Variants in PCDHA4 observed in about 807,000 individuals in gnomAD.
PCDHA4 encodes the protein protocadherin alpha-4.
PCDHA4 carries 49 observed loss-of-function variants against 61.4 expected under a neutral mutation model. The ratio of observed to expected loss-of-function variants is 0.80; its 90% confidence interval spans 0.63 to 1.01. The LOEUF is 1.01. Ranked by LOEUF, PCDHA4 falls within the 50% of genes least tolerant of loss-of-function variation. PCDHA4 has a pLI of 0.00. For missense variants in PCDHA4, 1,254 were observed against 1,235.8 expected, an observed-to-expected ratio of 1.01 and a Z score of -0.22; for synonymous variants, 590 against 550.3, an observed-to-expected ratio of 1.07 and a Z score of -1.01.
At chr5:140,958,530 A>G (rs1283308982) in intron 1 of PCDHA4, among the ~76,000 whole-genome samples, 1 of 152,188 alleles carries the variant, frequency 6.6e-6, no homozygotes, top group East Asian at 1.9e-4. Flanking sequence ...TACTATGTGT[A>G]CATTGATTTA....
chr5:140,932,593 A>T (rs1347990722), intron 1 of PCDHA4, among the ~76,000 whole-genome samples: 1 of 151,922 alleles, frequency 6.6e-6, no homozygotes, highest in South Asian at 2.1e-4. Context: ...GATGTTTTGT[A>T]TATCTATTTT....
At chr5:140,959,570 T>C (rs1324858058) in intron 1 of PCDHA4, among the ~76,000 whole-genome samples, 1 of 152,184 alleles carries the variant, frequency 6.6e-6, no homozygotes. Context: ...ACTAGATTTT[T>C]TGTTTCAATT....
At chr5:140,971,918 G>A (rs1297848346) in intron 1 of PCDHA4, among the ~76,000 whole-genome samples, 1 of 152,082 alleles carries the variant, frequency 6.6e-6, no homozygotes, top group Non-Finnish European at 1.5e-5. Context: ...CAGCCACACT[G>A]CTAGTGTTAT....
intron 2 of PCDHA4, chr5:140,982,212 C>A: frequency 2.1e-6 from 1 of 479,448 alleles, no homozygotes; most frequent in Non-Finnish European, 3.3e-6. Flanking sequence ...GTGAGCGCCA[C>A]ATGGCGTTAA....
At chr5:140,869,588 T>G (rs1404476349) in intron 1 of PCDHA4, 7 of 1,613,996 alleles carry the variant, frequency 4.3e-6, no homozygotes, top group Non-Finnish European at 5.9e-6. Flanking sequence ...GATGCTGACA[T>G]TGAAGAGAAT....
chr5:140,875,818 G>T (rs2055839936), intron 1 of PCDHA4: 1 of 1,614,100 alleles, frequency 6.2e-7, no homozygotes, highest in East Asian at 2.2e-5. Flanking sequence ...GCCGCTGCAG[G>T]TTTTCCATGT....
intron 1 of PCDHA4, among the ~76,000 whole-genome samples, chr5:140,949,916 A>G (rs1350647225): frequency 6.6e-6 from 1 of 150,834 alleles, no homozygotes; most frequent in African/African-American, 2.4e-5. Flanking sequence ...AGATATAACT[A>G]TTTTTAGATT....
intron 1 of PCDHA4, chr5:140,852,642 A>T (rs2042423560): frequency 2.1e-6 from 2 of 960,454 alleles, no homozygotes; most frequent in African/African-American, 3.6e-5. Flanking sequence ...CTGTCATTAA[A>T]CCTATCTATA....
intron 3 of PCDHA4, among the ~76,000 whole-genome samples, chr5:140,994,922 G>A (rs184710391): frequency 4.6e-5 from 7 of 152,342 alleles, no homozygotes; most frequent in African/African-American, 9.6e-5. Context: ...ATCAGATTTT[G>A]TAGGACCTTA....
chr5:140,905,011 T>A (rs551000720), intron 1 of PCDHA4, among the ~76,000 whole-genome samples: 44 of 152,296 alleles, frequency 2.9e-4, no homozygotes, highest in African/African-American at 1.0e-3. Context: ...CTTTGCTAAT[T>A]CTTTTCTATG....
chr5:140,863,542 C>T, intron 1 of PCDHA4: 3 of 384,090 alleles, frequency 7.8e-6, no homozygotes, highest in South Asian at 6.2e-5. Context: ...TGGAGATGGA[C>T]TTCAATAGGA....
At chr5:140,856,761 C>G (rs377564040) in intron 1 of PCDHA4, 2 of 1,596,598 alleles carry the variant, frequency 1.3e-6, no homozygotes, top group South Asian at 2.2e-5. Context: ...AATGATAACG[C>G]CCCTATCTTT....
rs183412283 is a variant in PCDHA4 at position 140,968,329 on chromosome 5, T to C, written c.2386-10620T>C. On this transcript the variant is annotated intron_variant, in intron 1 of 3. Transcript: ENST00000530339. ...TTCAAGGGCTGCCAGTCACCTCCTA[T>C]GTCTCCATTAACAGTGCCAGTGGCA... is the stretch of plus-strand genomic sequence containing the variant. 7.7e-5 allele frequency: 125 copies of C among 1,614,150 alleles called. 1 individual carries two copies. In the East Asian group the frequency reaches 2.7e-3, roughly 34 times the overall value.
chr5:140,981,612 T>C (rs2096940396), intron 2 of PCDHA4, among the ~76,000 whole-genome samples: 1 of 152,110 alleles, frequency 6.6e-6, no homozygotes, highest in Non-Finnish European at 1.5e-5. Context: ...CCTCTAATTT[T>C]GATGAGGGTT....
In PCDHA4 at chr5:140,924,908, AAAT is replaced by A. The variant is rs1554202345; in HGVS notation, c.2386-54038_2386-54036del. ...AGAACCTGTCTCAAAAAAAAAAATA[AAAT>A]AAAATAAAATAAAATAAAATAAAAT... On this transcript the variant is annotated intron_variant, in intron 1 of 3. Coordinates refer to ENST00000530339, the MANE Select transcript of PCDHA4 (RefSeq NM_018907.4). Among the ~76,000 whole-genome samples the A allele has an allele frequency of 9.0e-4, 53 of 58,926 alleles. 1 individual carries two copies. The highest frequency in any genetic ancestry group is 2.8e-3 in the African/African-American group (51 of 18,360). The allele number at this position is 58,926 out of a possible 152,430, so 38.7% of individuals were successfully genotyped here. A position where few individuals can be genotyped will look rare whatever the true frequency, so the allele number is the denominator to read the frequency against.
intron 1 of PCDHA4, among the ~76,000 whole-genome samples, chr5:140,900,021 T>A (rs1423634160): frequency 1.3e-5 from 2 of 152,092 alleles, no homozygotes; most frequent in Non-Finnish European, 2.9e-5. Context: ...TGTTACCCAG[T>A]TTGGCCTTGA....
At chr5:140,877,284 C>T (rs1318334277) in intron 1 of PCDHA4, 3 of 1,613,900 alleles carry the variant, frequency 1.9e-6, no homozygotes, top group Non-Finnish European at 2.5e-6. Context: ...CCGGCTATAA[C>T]GCTTGGCTGT....
At chr5:140,862,646 C>A (rs2047467861) in intron 1 of PCDHA4, 1 of 541,802 alleles carries the variant, frequency 1.8e-6, no homozygotes, top group Admixed American at 1.9e-5. Flanking sequence ...TTCACAGTGT[C>A]CGCGCGGGAC....
At chr5:140,951,685 T>C (rs1305310211) in intron 1 of PCDHA4, among the ~76,000 whole-genome samples, 4 of 152,140 alleles carry the variant, frequency 2.6e-5, no homozygotes, top group African/African-American at 9.7e-5. Flanking sequence ...GGGATTACAA[T>C]GTGACATGAG....
Sources: allele counts gnomAD v4.1 joint callset (sites outside exome capture counted in the v4.1 genomes callset), GRCh38; gene constraint gnomAD v4.1.1; transcripts MANE v1.5; gene names NCBI Gene and HGNC (gene_info 2026-07-23, HGNC 2026-07-21).